The following DPP6 variants were observed in gnomAD, a reference collection of about 807,000 sequenced individuals.
DPP6 encodes the protein dipeptidyl peptidase like 6, also known as A-type potassium channel modulatory protein DPP6.
Under a neutral mutation model 122.6 loss-of-function variants are expected in DPP6, and 69 were observed. That is an observed-to-expected ratio of 0.56 (90% confidence interval 0.46 to 0.69). The LOEUF is 0.69. Among genes scored for constraint, DPP6 ranks in the 30% least tolerant of loss-of-function variants. The probability of loss-of-function intolerance (pLI) is 0.00; values close to 1 mark genes in which losing one functional copy is unlikely to be tolerated. For missense variants in DPP6, 928 were observed against 1,116.9 expected, an observed-to-expected ratio of 0.83 and a Z score of 2.41; for synonymous variants, 418 against 433.1, an observed-to-expected ratio of 0.97 and a Z score of 0.43.
At chr7:154,042,012 C>T (rs984627403) in intron 1 of DPP6, among the ~76,000 whole-genome samples, 10 of 152,166 alleles carry the variant, frequency 6.6e-5, no homozygotes, top group Admixed American at 6.5e-4. Context: ...CCACCTCGGC[C>T]TCCCAAAGTG....
intron 5 of DPP6, among the ~76,000 whole-genome samples, chr7:154,590,935 A>C (rs1245818152): frequency 6.6e-6 from 1 of 152,238 alleles, no homozygotes; most frequent in African/African-American, 2.4e-5. Context: ...AGATGGCCAC[A>C]GTCAGTGTCA....
intron 8 of DPP6, among the ~76,000 whole-genome samples, chr7:154,753,774 C>T (rs1250919264): frequency 6.6e-6 from 1 of 152,164 alleles, no homozygotes; most frequent in Non-Finnish European, 1.5e-5. Context: ...AGCCGCCTTC[C>T]GTCTAGGCTG....
intron 1 of DPP6, among the ~76,000 whole-genome samples, chr7:153,981,925 T>C (rs1208429414): frequency 6.6e-6 from 1 of 152,170 alleles, no homozygotes; most frequent in African/African-American, 2.4e-5. Context: ...GTTAGTCTGA[T>C]GGGCTTTCCT....
At chr7:153,924,214 T>C (rs1274342205) in intron 1 of DPP6, among the ~76,000 whole-genome samples, 2 of 152,054 alleles carry the variant, frequency 1.3e-5, no homozygotes, top group South Asian at 4.1e-4. Context: ...GTTCAAGCGA[T>C]TCTCCTGCCT....
intron 1 of DPP6, among the ~76,000 whole-genome samples, chr7:154,302,278 G>A (rs372174265): frequency 2.6e-5 from 4 of 152,156 alleles, no homozygotes; most frequent in Non-Finnish European, 2.9e-5. Flanking sequence ...GAACTGTGCC[G>A]CATTTGTTCT....
At chr7:154,730,074 A>G (rs1250750472) in intron 8 of DPP6, among the ~76,000 whole-genome samples, 1 of 152,216 alleles carries the variant, frequency 6.6e-6, no homozygotes, top group Non-Finnish European at 1.5e-5. Context: ...CCCTGGACTC[A>G]GTAGACTGTT....
At chr7:153,800,586 G>A in the DPP6 span, among the ~76,000 whole-genome samples, 2 of 152,006 alleles carry the variant, frequency 1.3e-5, no homozygotes, top group Non-Finnish European at 2.9e-5. Context: ...GCACCATCTC[G>A]GCTCACTGCA....
At chr7:154,286,964 G>T (rs1379799740) in intron 1 of DPP6, among the ~76,000 whole-genome samples, 1 of 151,980 alleles carries the variant, frequency 6.6e-6, no homozygotes, top group Admixed American at 6.6e-5. Flanking sequence ...TACCATGCCC[G>T]GCTAATTTTT....
intron 1 of DPP6, among the ~76,000 whole-genome samples, chr7:154,061,594 C>G (rs1469344589): frequency 6.9e-6 from 1 of 145,710 alleles, no homozygotes; most frequent in Non-Finnish European, 1.5e-5. Context: ...CTCTTCCCCC[C>G]TGGCTCTTGG....
rs1554515600 is a variant in DPP6, at chr7:154,313,714, T to TAC, written c.244-132491_244-132490dup. Reference sequence around the variant, plus strand: ...ATATATATATATATATATATATATATACACACACACGCACGCACACACACA... The same window carrying TAC: ...ATATATATATATATATATATATATATACACACACACACGCACGCACACACACA... On this transcript the variant is annotated intron_variant, in intron 1 of 25. Coordinates refer to ENST00000377770, the MANE Select transcript of DPP6 (RefSeq NM_130797.4). Among the ~76,000 whole-genome samples, 10 of 17,788 alleles carry TAC rather than the reference T, an allele frequency of 5.6e-4. 3 individuals are homozygous for TAC. Among genetic ancestry groups the TAC allele is most frequent in the Admixed American group, 2.2e-3 (3 of 1,372 alleles). 11.7% of individuals were successfully genotyped at this position (17,788 alleles called of 152,430 possible). A position where few individuals can be genotyped will look rare whatever the true frequency, so the allele number is the denominator to read the frequency against.
chr7:154,316,574 T>G (rs1807447715), intron 1 of DPP6, among the ~76,000 whole-genome samples: 1 of 152,290 alleles, frequency 6.6e-6, no homozygotes, highest in Admixed American at 6.5e-5. Context: ...GGGTTGATCT[T>G]CTATTTCTCA....
At chr7:153,998,341 A>G (rs928608570) in intron 1 of DPP6, among the ~76,000 whole-genome samples, 1 of 152,216 alleles carries the variant, frequency 6.6e-6, no homozygotes, top group African/African-American at 2.4e-5. Context: ...GAATGCAGTA[A>G]TCGAATAAAT....
chr7:154,703,618 CAA>C lies in DPP6; in HGVS notation c.763-24133_763-24132del, dbSNP rs56393329. 3.0e-3 allele frequency among the ~76,000 whole-genome samples: 358 copies of C among 117,402 alleles called. 1 individual carries two copies. Among genetic ancestry groups the C allele is most frequent in the East Asian group, 0.022 (91 of 4,076 alleles). The allele number at this position is 117,402 out of a possible 152,430, so 77.0% of individuals were successfully genotyped here. ...TGAGCAACAGTGAGACACTCTGTCT[CAA>C]AAAAAAAAAAAAAAAGAAAAGAAAT... is the stretch of plus-strand genomic sequence containing the variant. On this transcript the variant is annotated intron_variant, in intron 7 of 25. Transcript: ENST00000377770.
Position 154,633,774 on chromosome 7 carries a change from T to C in DPP6, c.628-4047T>C, listed in dbSNP as rs946528184. Among the ~76,000 whole-genome samples, 88 of 152,298 alleles carry C rather than the reference T, an allele frequency of 5.8e-4. 1 individual carries two copies. The highest frequency in any genetic ancestry group is 5.7e-3 in the Admixed American group (88 of 15,306). On this transcript the variant is annotated intron_variant, in intron 5 of 25. Coordinates refer to ENST00000377770, the MANE Select transcript of DPP6 (RefSeq NM_130797.4). Reference sequence around the variant, plus strand: ...AGGAAGATTTTGTGGAAGACAATGATATTTTATTGCTTCATCTTGGAGCAA... The same window carrying C: ...AGGAAGATTTTGTGGAAGACAATGACATTTTATTGCTTCATCTTGGAGCAA...
chr7:153,922,581 C>CTATA (rs1285402864), intron 1 of DPP6, among the ~76,000 whole-genome samples: 1 of 152,182 alleles, frequency 6.6e-6, no homozygotes, highest in Non-Finnish European at 1.5e-5. Context: ...GAAACAAATT[C>CTATA]TATACATATT....
chr7:154,275,165 C>G (rs1804047581), intron 1 of DPP6, among the ~76,000 whole-genome samples: 1 of 152,254 alleles, frequency 6.6e-6, no homozygotes, highest in African/African-American at 2.4e-5. Context: ...TTTGGGCAGC[C>G]TCAGCCAAGG....
At chr7:153,879,313 G>A in the DPP6 span, among the ~76,000 whole-genome samples, 2 of 152,156 alleles carry the variant, frequency 1.3e-5, no homozygotes, top group African/African-American at 4.8e-5. Context: ...GGGGTAGAGG[G>A]AGAGGGAGCT....
chr7:154,128,412 C>T (rs567543167), intron 1 of DPP6, among the ~76,000 whole-genome samples: 3,135 of 152,220 alleles, frequency 0.021, 33 homozygotes, highest in Non-Finnish European at 0.033. Flanking sequence ...GTCTATTTTT[C>T]TTTTTTTGAG....
chr7:154,602,776 C>G (rs1833455268), intron 5 of DPP6, among the ~76,000 whole-genome samples: 1 of 107,688 alleles, frequency 9.3e-6, no homozygotes, highest in Non-Finnish European at 2.0e-5. Flanking sequence ...GAGACAGGGT[C>G]TTACTCTGTC....
Sources: gnomAD v4.1 joint callset for allele counts (sites outside exome capture counted in the v4.1 genomes callset) on GRCh38, gnomAD v4.1.1 for gene constraint, MANE v1.5 for transcripts, NCBI Gene and HGNC (gene_info 2026-07-23, HGNC 2026-07-21) for gene names.